Variants in EYA2 observed in about 807,000 individuals in gnomAD.
EYA2 encodes protein phosphatase EYA2.
EYA2 carries 31 observed loss-of-function variants against 69.2 expected under a neutral mutation model. The ratio of observed to expected loss-of-function variants is 0.45; its 90% CI spans 0.34 to 0.60. EYA2 has a LOEUF of 0.60. Ranked by LOEUF, EYA2 falls within the 20% of genes least tolerant of loss-of-function variation. EYA2 has a pLI of 0.02. For missense variants in EYA2, 622 were observed against 701.2 expected, an observed-to-expected ratio of 0.89 and a Z score of 1.28; for synonymous variants, 257 against 279.4, an observed-to-expected ratio of 0.92 and a Z score of 0.80.
intron 5 of EYA2, among the ~76,000 whole-genome samples, chr20:47,026,627 C>T (rs1274183456): frequency 6.6e-6 from 1 of 152,120 alleles, no homozygotes; most frequent in African/African-American, 2.4e-5. Context: ...GAACCTGCTC[C>T]AGGATGTGGT....
intron 1 of EYA2, among the ~76,000 whole-genome samples, chr20:46,983,972 G>A (rs969803713): frequency 6.6e-6 from 1 of 152,086 alleles, no homozygotes; most frequent in Admixed American, 6.6e-5. Flanking sequence ...TAGTGAGGTT[G>A]ACTAAAAATA....
intron 1 of EYA2, among the ~76,000 whole-genome samples, chr20:46,899,076 T>G (rs914081224): frequency 6.6e-5 from 10 of 152,226 alleles, no homozygotes; most frequent in African/African-American, 2.2e-4. Flanking sequence ...CCCTTGAGTA[T>G]TATTATCATT....
chr20:47,014,081 G>C (rs1415105388), intron 4 of EYA2, among the ~76,000 whole-genome samples: 1 of 152,160 alleles, frequency 6.6e-6, no homozygotes, highest in Non-Finnish European at 1.5e-5. Flanking sequence ...AAAGAGATGT[G>C]TTCTTTAATT....
At chr20:46,968,524 TG>T (rs1201569450) in intron 1 of EYA2, among the ~76,000 whole-genome samples, 1 of 152,162 alleles carries the variant, frequency 6.6e-6, no homozygotes, top group African/African-American at 2.4e-5. Flanking sequence ...TGTTTAAACA[TG>T]TTGGTTTGGA....
At chr20:46,969,071 C>T (rs192320401) in intron 1 of EYA2, among the ~76,000 whole-genome samples, 1 of 137,278 alleles carries the variant, frequency 7.3e-6, no homozygotes, top group Admixed American at 7.0e-5. Flanking sequence ...GAACTGCTAG[C>T]TGGGATTTTT....
intron 1 of EYA2, among the ~76,000 whole-genome samples, chr20:46,984,155 G>C (rs1981023634): frequency 6.6e-6 from 1 of 152,104 alleles, no homozygotes; most frequent in Non-Finnish European, 1.5e-5. Flanking sequence ...AAAATTCTAA[G>C]TGAATAGTTT....
chr20:47,022,975 G>A (rs1277194067), intron 5 of EYA2, among the ~76,000 whole-genome samples: 4 of 151,216 alleles, frequency 2.6e-5, no homozygotes, highest in South Asian at 2.1e-4. Context: ...TTGTCACCCC[G>A]CAAAGAAACC....
chr20:47,037,407 G>A (rs4810593), intron 5 of EYA2, among the ~76,000 whole-genome samples: 97,233 of 151,688 alleles, frequency 0.64, 33,004 homozygotes, highest in Non-Finnish European at 0.76. Flanking sequence ...GAAGCACTCC[G>A]TGTTCATTGG....
intron 9 of EYA2, among the ~76,000 whole-genome samples, chr20:47,130,826 A>G (rs1385109714): frequency 6.6e-6 from 1 of 152,228 alleles, no homozygotes; most frequent in Non-Finnish European, 1.5e-5. Flanking sequence ...GAGGTGGCTC[A>G]TGCCTATAAT....
chr20:47,049,422 G>A (rs2030207583), intron 5 of EYA2, among the ~76,000 whole-genome samples: 1 of 152,158 alleles, frequency 6.6e-6, no homozygotes, highest in African/African-American at 2.4e-5. Context: ...GTTGGAGGTG[G>A]GGCCTGGTGG....
At chr20:47,006,965 C>G (rs2146354616) in intron 4 of EYA2, among the ~76,000 whole-genome samples, 1 of 152,328 alleles carries the variant, frequency 6.6e-6, no homozygotes, top group South Asian at 2.1e-4. Flanking sequence ...GCATCTCACT[C>G]TGTTGTCCAG....
intron 4 of EYA2, among the ~76,000 whole-genome samples, chr20:47,015,062 C>T (rs1394416667): frequency 2.6e-5 from 4 of 152,170 alleles, no homozygotes; most frequent in East Asian, 1.9e-4. Flanking sequence ...TAGATATATA[C>T]GTTACATATA....
intron 1 of EYA2, among the ~76,000 whole-genome samples, chr20:46,965,912 G>C (rs1028911792): frequency 6.6e-6 from 1 of 152,342 alleles, no homozygotes; most frequent in African/African-American, 2.4e-5. Flanking sequence ...TTCTCTCTTG[G>C]GGTGTGGAGT....
intron 9 of EYA2, among the ~76,000 whole-genome samples, chr20:47,121,934 C>T (rs1004848276): frequency 5.3e-5 from 8 of 152,196 alleles, no homozygotes; most frequent in African/African-American, 7.2e-5. Context: ...GCTCCTTCCT[C>T]GGCCAGACAT....
chr20:47,125,562 G>T (rs543356195), intron 9 of EYA2, among the ~76,000 whole-genome samples: 2 of 152,100 alleles, frequency 1.3e-5, no homozygotes. Context: ...AAGTTTCCAA[G>T]TAATTAAACC....
chr20:46,940,905 A>G (rs1439549621), intron 1 of EYA2, among the ~76,000 whole-genome samples: 2 of 152,180 alleles, frequency 1.3e-5, no homozygotes, highest in Non-Finnish European at 2.9e-5. Flanking sequence ...CCCCGGGGTG[A>G]AAGGTTTGCC....
chr20:47,055,306 G>A (rs967701611), intron 5 of EYA2, among the ~76,000 whole-genome samples: 1 of 152,158 alleles, frequency 6.6e-6, no homozygotes, highest in Non-Finnish European at 1.5e-5. Flanking sequence ...GTCTTTATGG[G>A]TTACCATTCC....
At chr20:46,909,877 G>A (rs768763815) in intron 1 of EYA2, among the ~76,000 whole-genome samples, 1 of 152,108 alleles carries the variant, frequency 6.6e-6, no homozygotes, top group Non-Finnish European at 1.5e-5. Context: ...TTCCAGGCAC[G>A]ATGTTATACT....
intron 2 of EYA2, among the ~76,000 whole-genome samples, chr20:46,995,010 C>T (rs1356310225): frequency 1.3e-5 from 2 of 152,182 alleles, no homozygotes; most frequent in East Asian, 3.9e-4. Flanking sequence ...AAGCAATTCT[C>T]CTGCCTCAGC....
Sources: allele counts gnomAD v4.1 joint callset (sites outside exome capture counted in the v4.1 genomes callset), GRCh38; gene constraint gnomAD v4.1.1; transcripts MANE v1.5; gene names NCBI Gene and HGNC (gene_info 2026-07-23, HGNC 2026-07-21).